Variants in UCHL3 observed in about 807,000 individuals in gnomAD.
UCHL3 encodes ubiquitin carboxyl-terminal hydrolase isozyme L3.
UCHL3 carries 22 observed loss-of-function variants against 35.8 expected under a neutral mutation model. That is an observed-to-expected ratio of 0.61 (90% CI 0.44 to 0.88). The LOEUF (loss-of-function observed/expected upper bound fraction) is 0.88, where lower values mean the gene tolerates loss of function less well. UCHL3 is among the 40% of genes least tolerant of loss of function. UCHL3 has a pLI of 0.00. For synonymous variants in UCHL3, 90 were observed against 92.8 expected, an observed-to-expected ratio of 0.97 and a Z score of 0.17; for missense variants, 229 against 276.9, an observed-to-expected ratio of 0.83 and a Z score of 1.23.
chr13:75,561,412 A>C (rs538603989), intron 3 of UCHL3, among the ~76,000 whole-genome samples: 2 of 152,210 alleles, frequency 1.3e-5, no homozygotes, highest in East Asian at 3.9e-4. Context: ...TTAGTGCTTT[A>C]AGCTTTGGTA....
At chr13:75,586,146 A>G (rs1014740518) in intron 6 of UCHL3, among the ~76,000 whole-genome samples, 1 of 152,092 alleles carries the variant, frequency 6.6e-6, no homozygotes, top group African/African-American at 2.4e-5. Flanking sequence ...AAACGTAAGA[A>G]GATAACAATC....
At chr13:75,563,600 T>C (rs2031587035) in intron 3 of UCHL3, among the ~76,000 whole-genome samples, 1 of 152,192 alleles carries the variant, frequency 6.6e-6, no homozygotes, top group Non-Finnish European at 1.5e-5. Flanking sequence ...ATATCTATCA[T>C]CACATAGTTA....
chr13:75,555,315 T>C (rs2031255365), intron 2 of UCHL3, among the ~76,000 whole-genome samples: 1 of 152,228 alleles, frequency 6.6e-6, no homozygotes, highest in African/African-American at 2.4e-5. Context: ...TGTTTTATTT[T>C]CTTCACAGTA....
intron 2 of UCHL3, among the ~76,000 whole-genome samples, chr13:75,552,172 G>A (rs2031134762): frequency 6.6e-6 from 1 of 152,186 alleles, no homozygotes; most frequent in Non-Finnish European, 1.5e-5. Context: ...TGTGCTTTTA[G>A]TGGGAGAATG....
intron 8 of UCHL3, 60 bp downstream of exon 8, chr13:75,604,887 T>G: frequency 5.4e-5 from 75 of 1,378,714 alleles, no homozygotes; most frequent in African/African-American, 8.8e-5. Context: ...AAAACATCTC[T>G]AAAGGTCACT....
At chr13:75,581,343 ATTTC>A (rs1289995699) in intron 6 of UCHL3, among the ~76,000 whole-genome samples, 2 of 122,332 alleles carry the variant, frequency 1.6e-5, no homozygotes. Flanking sequence ...TAAACACTTG[ATTTC>A]TTTTTTTTTT....
chr13:75,574,634 C>T lies in UCHL3; in HGVS notation c.474+5127C>T, dbSNP rs533909463. ...ACTAATGAGTTAATTATATAAACTG[C>T]TTAGAATAGTACCTGGCATTTAATG... On this transcript the variant is annotated intron_variant, in intron 6 of 8. Coordinates refer to ENST00000377595, the MANE Select transcript of UCHL3 (RefSeq NM_006002.5). Among the ~76,000 whole-genome samples, 30 of 152,196 alleles carry T rather than the reference C, an allele frequency of 2.0e-4. No individual in the cohort carries two copies. The South Asian group carries it at 6.0e-3, about 31-fold the overall frequency.
At chr13:75,565,100 G>T (rs2031642391) in intron 3 of UCHL3, among the ~76,000 whole-genome samples, 1 of 151,898 alleles carries the variant, frequency 6.6e-6, no homozygotes, top group South Asian at 2.1e-4. Context: ...TATGTCTCTT[G>T]GCCTTATTTT....
Position 75,560,746 on chromosome 13 carries a change from T to C in UCHL3, c.55-7T>C, listed in dbSNP as rs755082504. On this transcript the variant is annotated splice_region_variant and splice_polypyrimidine_tract_variant and intron_variant, in intron 2 of 8. Transcript: ENST00000377595. ...ATTGTTTTTTTTTTCTTTCTTTCTTTTACCAGTTTCTTAAACAATTAGGTC... is the reference window on the plus strand; with the variant it reads ...ATTGTTTTTTTTTTCTTTCTTTCTTCTACCAGTTTCTTAAACAATTAGGTC... 1 of 1,596,686 alleles carries C rather than the reference T, an allele frequency of 6.3e-7. No homozygotes were observed. The highest frequency in any genetic ancestry group is 2.2e-5 in the East Asian group (1 of 44,730).
rs1484719712 is a variant in UCHL3 at position 75,550,011 on chromosome 13, G to A, written c.54+24G>A. 3 of 1,614,204 alleles carry A rather than the reference G, an allele frequency of 1.9e-6. 1 individual carries two copies. In the African/African-American group the frequency reaches 4.0e-5, roughly 22 times the overall value. ...AGGTGAGTGAGGTGTCTGTCGCTCG[G>A]GACCTCGGAGTCTTTTCTGTCTGCT... On this transcript the variant is annotated intron_variant, in intron 2 of 8. Transcript: ENST00000377595.
At chr13:75,552,478 A>G (rs2031145957) in intron 2 of UCHL3, among the ~76,000 whole-genome samples, 1 of 152,218 alleles carries the variant, frequency 6.6e-6, no homozygotes, top group Non-Finnish European at 1.5e-5. Context: ...CTAGTGTTGT[A>G]TAAGAATGGC....
chr13:75,573,617 T>C (rs904850065), intron 6 of UCHL3, among the ~76,000 whole-genome samples: 9 of 152,178 alleles, frequency 5.9e-5, no homozygotes, highest in African/African-American at 2.2e-4. Context: ...GGAGGGGGTG[T>C]GGAGAGAGAC....
chr13:75,597,076 AC>A (rs1261608766), intron 7 of UCHL3, among the ~76,000 whole-genome samples: 1 of 152,264 alleles, frequency 6.6e-6, no homozygotes, highest in East Asian at 1.9e-4. Flanking sequence ...TAGGTACATT[AC>A]AAAGATGGAC....
intron 6 of UCHL3, among the ~76,000 whole-genome samples, chr13:75,584,697 A>T (rs1427864422): frequency 6.6e-6 from 1 of 152,212 alleles, no homozygotes; most frequent in Non-Finnish European, 1.5e-5. Flanking sequence ...TTAAATGCTC[A>T]AGTGGAAAAG....
chr13:75,566,586 C>A, intron 3 of UCHL3, 109 bp from the exon 4 acceptor site: 2 of 700,534 alleles, frequency 2.9e-6, no homozygotes, highest in Non-Finnish European at 4.2e-6. Flanking sequence ...ATTTTAAACC[C>A]TTTCTTTCAT....
intron 2 of UCHL3, among the ~76,000 whole-genome samples, chr13:75,559,878 A>C (rs1279651645): frequency 6.6e-6 from 1 of 152,142 alleles, no homozygotes; most frequent in African/African-American, 2.4e-5. Context: ...GCTTCTTTCG[A>C]TATAAAGTTA....
At chr13:75,555,276 C>A (rs1174848641) in intron 2 of UCHL3, among the ~76,000 whole-genome samples, 1 of 152,120 alleles carries the variant, frequency 6.6e-6, no homozygotes, top group Non-Finnish European at 1.5e-5. Context: ...GCTAAATTAG[C>A]CCCCCAAATC....
At chr13:75,573,494 A>G (rs1393251358) in intron 6 of UCHL3, among the ~76,000 whole-genome samples, 1 of 152,188 alleles carries the variant, frequency 6.6e-6, no homozygotes, top group East Asian at 1.9e-4. Flanking sequence ...TGGGGCTGGA[A>G]ATCCAACAGC....
intron 2 of UCHL3, among the ~76,000 whole-genome samples, chr13:75,555,584 C>G (rs565546379): frequency 8.7e-4 from 132 of 151,350 alleles, no homozygotes; most frequent in African/African-American, 3.1e-3. Context: ...CAATGAGCAG[C>G]ATTCTATCTC....
Sources: allele counts gnomAD v4.1 joint callset (sites outside exome capture counted in the v4.1 genomes callset), GRCh38; gene constraint gnomAD v4.1.1; transcripts MANE v1.5; gene names NCBI Gene and HGNC (gene_info 2026-07-23, HGNC 2026-07-21).